Variants in EPB41L5 observed in about 807,000 individuals in gnomAD.
EPB41L5 encodes the protein band 4.1-like protein 5.
In EPB41L5, 55 loss-of-function variants were observed where a neutral mutation model predicts 106.6. The ratio of observed to expected loss-of-function variants is 0.52; its 90% CI spans 0.42 to 0.65. The LOEUF (loss-of-function observed/expected upper bound fraction) is 0.65. Among genes scored for constraint, EPB41L5 ranks in the 30% least tolerant of loss-of-function variants. EPB41L5 has a pLI of 0.00. For missense variants in EPB41L5, 871 were observed against 882.1 expected, an observed-to-expected ratio of 0.99 and a Z score of 0.16; for synonymous variants, 297 against 306.7, an observed-to-expected ratio of 0.97 and a Z score of 0.33.
In EPB41L5 at chr2:120,163,260, C is replaced by A. The variant is rs1187699077; in HGVS notation, c.1888-1576C>A. Among the ~76,000 whole-genome samples the A allele has an allele frequency of 1.8e-4, 10 of 54,510 alleles. 1 individual carries two copies. In the South Asian group the frequency reaches 3.8e-3, roughly 21 times the overall value. 35.8% of individuals were successfully genotyped at this position (54,510 alleles called of 152,430 possible). On this transcript the variant is annotated intron_variant, in intron 21 of 24. Coordinates refer to ENST00000263713, the MANE Select transcript of EPB41L5 (RefSeq NM_020909.4). ...ACAGAGCAAGACCGTGTCCCTCTGC[C>A]CCCCCCCCCCCCAAAAAAAGAAAGA... is the stretch of plus-strand genomic sequence containing the variant.
chr2:120,146,956 A>G (rs1686432882), intron 20 of EPB41L5, among the ~76,000 whole-genome samples: 1 of 152,236 alleles, frequency 6.6e-6, no homozygotes, highest in Admixed American at 6.5e-5. Flanking sequence ...CACACATAGT[A>G]TGCATAGTGT....
chr2:120,023,771 G>A (rs1341398709), intron 2 of EPB41L5, among the ~76,000 whole-genome samples: 5 of 152,174 alleles, frequency 3.3e-5, no homozygotes, highest in African/African-American at 4.8e-5. Context: ...ATTACTGTGG[G>A]CAGTATGGCC....
At chr2:120,100,179 T>C (rs1317476677) in intron 14 of EPB41L5, 65 bp from the exon 15 acceptor site, 10 of 1,236,500 alleles carry the variant, frequency 8.1e-6, no homozygotes, top group African/African-American at 6.0e-5. Context: ...GTATGTGTTA[T>C]CTTACAAAAT....
chr2:120,042,995 ATGTGTGTGTGTGTGTGTG>A lies in EPB41L5; in HGVS notation c.285+921_285+938del, dbSNP rs60253351. Among the ~76,000 whole-genome samples the A allele has an allele frequency of 8.8e-4, 62 of 70,124 alleles. 1 individual carries two copies. The highest frequency in any genetic ancestry group is 1.8e-3 in the African/African-American group (49 of 27,496). The allele number at this position is 70,124 out of a possible 152,430, so 46.0% of individuals were successfully genotyped here. A position where few individuals can be genotyped will look rare whatever the true frequency, so the allele number is the denominator to read the frequency against. On this transcript the variant is annotated intron_variant, in intron 3 of 24. Coordinates refer to ENST00000263713, the MANE Select transcript of EPB41L5 (RefSeq NM_020909.4). ...TGGCATTAAGCCTTTTTTTCTGGAA[ATGTGTGTGTGTGTGTGTG>A]TGTGTGTGTGTGTGTGTGTGTGTGT...
At chr2:120,128,378 G>A (rs1439109633) in intron 17 of EPB41L5, among the ~76,000 whole-genome samples, 1 of 151,794 alleles carries the variant, frequency 6.6e-6, no homozygotes, top group East Asian at 1.9e-4. Context: ...AGCATAACTT[G>A]TTTATAAACA....
intron 16 of EPB41L5, among the ~76,000 whole-genome samples, chr2:120,123,381 T>A (rs1017891788): frequency 7.8e-6 from 1 of 127,640 alleles, no homozygotes; most frequent in Non-Finnish European, 1.6e-5. Flanking sequence ...TGAGCCACAC[T>A]GCATTACAAG....
Position 120,174,981 on chromosome 2 carries a change from C to A in EPB41L5, c.*74C>A. ...CGTTTCAGCTAGAATATGTTGGATT[C>A]AGGAGCTTGTCCATTATTTGTAGGT... On this transcript the variant is annotated 3_prime_UTR_variant, in exon 25 of 25. Transcript: ENST00000263713. The A allele has an allele frequency of 7.2e-7, 1 of 1,392,178 alleles. No homozygotes were observed. Among genetic ancestry groups the A allele is most frequent in the Non-Finnish European group, 1.0e-6 (1 of 978,212 alleles). The allele number at this position is 1,392,178 out of a possible 1,614,324, so 86.2% of individuals were successfully genotyped here.
chr2:120,146,583 C>T (rs1686415461), intron 20 of EPB41L5, among the ~76,000 whole-genome samples: 1 of 152,210 alleles, frequency 6.6e-6, no homozygotes, highest in Non-Finnish European at 1.5e-5. Context: ...GTGTATTATT[C>T]TCTTACAGTA....
intron 3 of EPB41L5, among the ~76,000 whole-genome samples, chr2:120,060,986 G>A (rs183439288): frequency 9.3e-5 from 13 of 140,108 alleles, no homozygotes; most frequent in Admixed American, 8.7e-4. Flanking sequence ...GGTGAAGTTT[G>A]AAAAGGTTAT....
intron 2 of EPB41L5, 150 bp downstream of exon 2, chr2:120,019,414 G>A (rs1677775478): frequency 1.6e-6 from 1 of 644,508 alleles, no homozygotes; most frequent in Non-Finnish European, 2.5e-6. Flanking sequence ...TCAGGTACAT[G>A]GATCAGATAA....
intron 10 of EPB41L5, among the ~76,000 whole-genome samples, chr2:120,083,671 G>C (rs566313359): frequency 9.5e-4 from 145 of 152,094 alleles, no homozygotes; most frequent in African/African-American, 3.2e-3. Flanking sequence ...TTAACTTTCT[G>C]TCTCGATCTG....
At chr2:120,119,633 C>CT (rs146253662) in intron 16 of EPB41L5, among the ~76,000 whole-genome samples, 39,125 of 150,892 alleles carry the variant, frequency 0.26, 5,389 homozygotes, top group South Asian at 0.35. Flanking sequence ...ATTTCTTTCT[C>CT]TTTTTTTTTA....
chr2:120,147,406 G>T (rs1453303295), intron 20 of EPB41L5, among the ~76,000 whole-genome samples: 5 of 151,832 alleles, frequency 3.3e-5, no homozygotes, highest in Admixed American at 1.3e-4. Flanking sequence ...ACTTTGGATC[G>T]CCTGAGGTCA....
At position 120,093,416 on chromosome 2, in the gene EPB41L5, A is replaced by G. The variant is rs111638808; in HGVS notation, c.1178+140A>G. 15 of 734,352 alleles carry G rather than the reference A, an allele frequency of 2.0e-5. No homozygotes were observed. The East Asian group carries it at 2.7e-4, about 13-fold the overall frequency. The allele number at this position is 734,352 out of a possible 1,614,324, so 45.5% of individuals were successfully genotyped here. On this transcript the variant is annotated intron_variant, in intron 14 of 24. Coordinates refer to ENST00000263713, the MANE Select transcript of EPB41L5 (RefSeq NM_020909.4). ...GGGATATGTCAGGGAATAAATGAAC[A>G]TGTAATGCCAGATAAAAGTGACATG...
chr2:120,115,070 A>G (rs1435876201), intron 16 of EPB41L5, among the ~76,000 whole-genome samples: 4 of 152,164 alleles, frequency 2.6e-5, no homozygotes, highest in Middle Eastern at 3.4e-3. Context: ...TGATGTTAGT[A>G]TAGCCACTTC....
intron 2 of EPB41L5, among the ~76,000 whole-genome samples, chr2:120,035,483 C>G (rs1245988497): frequency 6.6e-6 from 1 of 152,180 alleles, no homozygotes; most frequent in African/African-American, 2.4e-5. Flanking sequence ...AGAACAGTGC[C>G]TGGCACATAG....
intron 18 of EPB41L5, among the ~76,000 whole-genome samples, chr2:120,135,210 A>G (rs1257918909): frequency 6.6e-6 from 1 of 152,116 alleles, no homozygotes; most frequent in Non-Finnish European, 1.5e-5. Flanking sequence ...GATCAAGCAG[A>G]AGAAAGAATT....
At chr2:120,172,071 C>A in intron 24 of EPB41L5, among the ~76,000 whole-genome samples, 1 of 146,414 alleles carries the variant, frequency 6.8e-6, no homozygotes. Flanking sequence ...AAATGAAATC[C>A]AAAGAGTGTG....
chr2:120,074,097 C>A lies in EPB41L5; in HGVS notation c.329-3C>A. The A allele has an allele frequency of 1.9e-6, 3 of 1,582,238 alleles. No homozygotes were observed. The highest frequency in any genetic ancestry group is 2.6e-6 in the Non-Finnish European group (3 of 1,164,666). ...TAAAACCTTTTTTTTTTTTAAATGACAGTTGGTTCACCCTATTGTCTGCAT... is the reference window on the plus strand; with the variant it reads ...TAAAACCTTTTTTTTTTTTAAATGAAAGTTGGTTCACCCTATTGTCTGCAT... On this transcript the variant is annotated splice_region_variant and splice_polypyrimidine_tract_variant and intron_variant, in intron 4 of 24. Coordinates refer to ENST00000263713, the MANE Select transcript of EPB41L5 (RefSeq NM_020909.4).
Sources: gnomAD v4.1 joint callset for allele counts (sites outside exome capture counted in the v4.1 genomes callset) on GRCh38, gnomAD v4.1.1 for gene constraint, MANE v1.5 for transcripts, NCBI Gene and HGNC (gene_info 2026-07-23, HGNC 2026-07-21) for gene names.